The following PES1 variants were observed in gnomAD, a reference collection of about 807,000 sequenced individuals.
The protein encoded by PES1 is pescadillo ribosomal biogenesis factor 1, also known as pescadillo homolog.
Under a neutral mutation model 77.1 loss-of-function variants are expected in PES1, and 31 were observed. That is an observed-to-expected ratio of 0.40 (90% CI 0.30 to 0.54). The LOEUF is 0.54. Among genes scored for constraint, PES1 ranks in the 20% least tolerant of loss-of-function variants. The probability of loss-of-function intolerance (pLI) is 0.45; values close to 1 mark genes in which losing one functional copy is unlikely to be tolerated. For synonymous variants in PES1, 282 were observed against 303.0 expected (o/e 0.93, Z 0.72); for missense variants, 658 against 771.7 (o/e 0.85, Z 1.75).
chr22:30,576,871 C>G lies in PES1; in HGVS notation c.*175G>C. 3.2e-6 allele frequency: 2 copies of G among 619,990 alleles called. No homozygotes were observed. Among genetic ancestry groups the G allele is most frequent in the Admixed American group, 5.6e-5 (2 of 35,946 alleles). 38.4% of individuals were successfully genotyped at this position (619,990 alleles called of 1,614,324 possible). A position where few individuals can be genotyped will look rare whatever the true frequency, so the allele number is the denominator to read the frequency against. ...CCAGGCACCAGCAGGGCAGCTCCAT[C>G]CAAGGGAAGCGAGGGCTGCCCACTG... On this transcript the variant is annotated 3_prime_UTR_variant, in exon 15 of 15. Coordinates refer to ENST00000354694, the MANE Select transcript of PES1 (RefSeq NM_014303.4).
rs1236924092 is a variant in PES1, at chr22:30,580,216, A to T, written c.1044-38T>A. On this transcript the variant is annotated intron_variant, in intron 10 of 14. Transcript: ENST00000354694. Reference sequence around the variant, plus strand: ...GGAGAGCCCACACGGGTACACAGACATGAGCTGCCTGTCCTGAGACTCAGC... The same window carrying T: ...GGAGAGCCCACACGGGTACACAGACTTGAGCTGCCTGTCCTGAGACTCAGC... 4 of 1,580,958 alleles carry T rather than the reference A, an allele frequency of 2.5e-6. No homozygotes were observed. In the East Asian group the frequency reaches 6.7e-5, roughly 27 times the overall value.
intron 3 of PES1, 35 bp from the exon 4 acceptor site, chr22:30,587,430 G>A (rs1375254709): frequency 2.0e-6 from 3 of 1,501,196 alleles, no homozygotes; most frequent in South Asian, 2.3e-5. Flanking sequence ...CAATGCTGAG[G>A]CTCAGGTCTC....
intron 2 of PES1, among the ~76,000 whole-genome samples, chr22:30,597,797 T>TG (rs1402372939): frequency 2.0e-5 from 3 of 151,248 alleles, no homozygotes; most frequent in Non-Finnish European, 4.4e-5. Context: ...AGTATGTGGG[T>TG]GGGGCCAGAT....
chr22:30,587,934 G>A (rs887035100), intron 3 of PES1, 87 bp downstream of exon 3: 12 of 1,330,536 alleles, frequency 9.0e-6, no homozygotes, highest in Admixed American at 1.7e-5. Flanking sequence ...ACTCAGAGAG[G>A]GTAGGCAATC....
chr22:30,581,287 G>A, intron 8 of PES1, 47 bp downstream of exon 8: 2 of 1,588,556 alleles, frequency 1.3e-6, no homozygotes, highest in Non-Finnish European at 8.6e-7. Flanking sequence ...TGGGGACAGA[G>A]ACCACTCCCT....
rs139112920 is a variant in PES1, at chr22:30,579,175, G to A, written c.1483C>T (p.Arg495Trp). 43 of 1,608,338 alleles carry A rather than the reference G, an allele frequency of 2.7e-5. No individual in the cohort carries two copies. Among genetic ancestry groups the A allele is most frequent in the Admixed American group, 5.0e-5 (3 of 59,878 alleles). ...EAGSEKEEEA[R>W]LAALEEQRME... The stretch of plus-strand genomic sequence containing the variant: ...CTCTGCTCTTCCAGGGCTGCCAGCC[G>A]GGCCTCTTCCTCCTTTTCTGAACCA... The change falls in exon 13 of 15, where the codon CGG (arginine) becomes TGG (tryptophan). Residue 495 changes from arginine (R) to tryptophan (W), a missense_variant. By Grantham distance (101) the Arg-to-Trp change is moderately radical (BLOSUM62 -3). Coordinates refer to ENST00000354694, the MANE Select transcript of PES1 (RefSeq NM_014303.4).
rs143218776 is a variant in PES1, at chr22:30,604,946, A to G, written c.-661+515T>C. On this transcript the variant is annotated intron_variant, in intron 2 of 16. Transcript: ENST00000402281. ...TTTGTTTTTCACATTCCCTGACCAC[A>G]TGACCTGAAATAGCACTACCCCTGA... 5.4e-3 allele frequency among the ~76,000 whole-genome samples: 818 copies of G among 152,234 alleles called. 10 individuals carry two copies. The highest frequency in any genetic ancestry group is 0.018 in the African/African-American group (760 of 41,510).
intron 2 of PES1, among the ~76,000 whole-genome samples, chr22:30,601,487 A>G (rs2087353571): frequency 2.0e-5 from 3 of 151,610 alleles, no homozygotes; most frequent in Admixed American, 2.0e-4. Flanking sequence ...TCATTTTTGT[A>G]TTTTTAATAC....
chr22:30,589,782 T>C (rs1055262025), intron 1 of PES1, among the ~76,000 whole-genome samples: 22 of 152,068 alleles, frequency 1.4e-4, no homozygotes, highest in African/African-American at 5.3e-4. Context: ...CCTAATCTTT[T>C]CCCCTTCTTT....
chr22:30,585,305 C>A (rs942133297), intron 4 of PES1: 2 of 471,514 alleles, frequency 4.2e-6, no homozygotes, highest in South Asian at 3.1e-5. Flanking sequence ...GAATGTGTTT[C>A]GGGGAATCCT....
At chr22:30,604,361 G>A (rs1249401361) in intron 2 of PES1, among the ~76,000 whole-genome samples, 1 of 152,170 alleles carries the variant, frequency 6.6e-6, no homozygotes, top group Non-Finnish European at 1.5e-5. Flanking sequence ...GGCCAGGCGC[G>A]CTGGCTCATG....
At chr22:30,606,008 A>G (rs1235984305) in intron 1 of PES1, among the ~76,000 whole-genome samples, 1 of 152,200 alleles carries the variant, frequency 6.6e-6, no homozygotes, top group African/African-American at 2.4e-5. Context: ...CTCTTCTCAC[A>G]CAGGAAGAAC....
At chr22:30,603,107 C>T (rs922965008) in intron 2 of PES1, among the ~76,000 whole-genome samples, 5 of 152,028 alleles carry the variant, frequency 3.3e-5, no homozygotes, top group Non-Finnish European at 5.9e-5. Context: ...GACTGGGTTT[C>T]GCCACGTTGG....
intron 14 of PES1, 43 bp from the exon 15 acceptor site, chr22:30,577,172 A>T: frequency 1.3e-6 from 2 of 1,518,504 alleles, no homozygotes; most frequent in Non-Finnish European, 9.1e-7. Flanking sequence ...TATGTGTAGA[A>T]GGGAGGGTGG....
At chr22:30,580,799 T>C in intron 9 of PES1, 98 bp from the exon 10 acceptor site, 1 of 1,545,214 alleles carries the variant, frequency 6.5e-7, no homozygotes, top group Non-Finnish European at 8.8e-7. Flanking sequence ...TCCTTCTAGA[T>C]CCTGGATCCT....
chr22:30,589,925 G>A (rs2087152939), intron 1 of PES1, among the ~76,000 whole-genome samples: 2 of 152,124 alleles, frequency 1.3e-5, no homozygotes, highest in Admixed American at 1.3e-4. Flanking sequence ...GTCTGTTTAT[G>A]TAATGTAGTC....
upstream of PES1, among the ~76,000 whole-genome samples, chr22:30,594,278 G>A (rs2146485997): frequency 6.6e-6 from 1 of 152,300 alleles, no homozygotes; most frequent in East Asian, 1.9e-4. Context: ...CCAGCACTTT[G>A]GGAGGCCAAG....
At chr22:30,578,582 A>G (rs1384934332) in intron 14 of PES1, among the ~76,000 whole-genome samples, 1 of 152,202 alleles carries the variant, frequency 6.6e-6, no homozygotes, top group Non-Finnish European at 1.5e-5. Context: ...TGCAGACCCC[A>G]GCAGACTCAG....
intron 14 of PES1, among the ~76,000 whole-genome samples, chr22:30,577,507 A>T (rs2086919244): frequency 6.6e-6 from 1 of 152,116 alleles, no homozygotes; most frequent in Admixed American, 6.6e-5. Flanking sequence ...ATATATTTTT[A>T]ATTTTTTTAA....
Sources: gnomAD v4.1 joint callset for allele counts (sites outside exome capture counted in the v4.1 genomes callset) on GRCh38, gnomAD v4.1.1 for gene constraint, MANE v1.5 for transcripts, NCBI Gene and HGNC (gene_info 2026-07-23, HGNC 2026-07-21) for gene names.